The following ZNF423 variants were observed in gnomAD, a reference collection of about 807,000 sequenced individuals.
ZNF423 encodes zinc finger protein 423.
ZNF423 carries 12 observed loss-of-function variants against 95.8 expected under a neutral mutation model. The ratio of observed to expected loss-of-function variants is 0.13; its 90% confidence interval spans 0.08 to 0.20. ZNF423 has a LOEUF of 0.20. Among genes scored for constraint, ZNF423 ranks in the 10% least tolerant of loss-of-function variants. ZNF423 has a pLI of 1.00. For synonymous variants in ZNF423, 749 were observed against 711.9 expected, an observed-to-expected ratio of 1.05 and a Z score of -0.83; for missense variants, 1,316 against 1,737.1, an observed-to-expected ratio of 0.76 and a Z score of 4.31.
At chr16:49,817,139 C>A (rs928677665) in intron 1 of ZNF423, among the ~76,000 whole-genome samples, 2 of 152,190 alleles carry the variant, frequency 1.3e-5, no homozygotes, top group Admixed American at 6.5e-5. Flanking sequence ...CTTCCATGGA[C>A]AAAACTTTTG....
intron 3 of ZNF423, among the ~76,000 whole-genome samples, chr16:49,691,864 G>C (rs1200115675): frequency 6.6e-6 from 1 of 152,186 alleles, no homozygotes; most frequent in African/African-American, 2.4e-5. Context: ...TGAGCACTTG[G>C]CCTCCTCCTG....
intron 3 of ZNF423, among the ~76,000 whole-genome samples, chr16:49,705,148 CT>C (rs1371475469): frequency 1.3e-5 from 2 of 152,200 alleles, no homozygotes; most frequent in Non-Finnish European, 2.9e-5. Context: ...TAAATACAGG[CT>C]TATCTGGTAC....
At chr16:49,615,991 T>G (rs952951737) in intron 5 of ZNF423, among the ~76,000 whole-genome samples, 7 of 152,182 alleles carry the variant, frequency 4.6e-5, no homozygotes, top group Admixed American at 6.5e-5. Flanking sequence ...GGACCCGCCC[T>G]TCTCTTCTGT....
chr16:49,730,607 G>T, intron 3 of ZNF423, 164 bp downstream of exon 3: 1 of 725,818 alleles, frequency 1.4e-6, no homozygotes, highest in African/African-American at 1.8e-5. Context: ...ATTTTTAATT[G>T]TATTTAAAAG....
intron 2 of ZNF423, among the ~76,000 whole-genome samples, chr16:49,745,234 T>A (rs188771864): frequency 7.7e-4 from 117 of 152,320 alleles, no homozygotes; most frequent in Admixed American, 1.4e-3. Context: ...CTTTTATAAT[T>A]TTTTTAGGTT....
chr16:49,584,579 G>T (rs1400257159), intron 5 of ZNF423, among the ~76,000 whole-genome samples: 1 of 152,128 alleles, frequency 6.6e-6, no homozygotes, highest in Non-Finnish European at 1.5e-5. Flanking sequence ...CACAGTTCTG[G>T]AGGCTGGAAG....
intron 3 of ZNF423, among the ~76,000 whole-genome samples, chr16:49,692,399 C>T (rs1474681876): frequency 6.6e-6 from 1 of 152,096 alleles, no homozygotes; most frequent in Non-Finnish European, 1.5e-5. Context: ...AGAGGTCTGC[C>T]CCAGGAAACA....
At chr16:49,845,622 C>T (rs1288748787) in intron 1 of ZNF423, among the ~76,000 whole-genome samples, 4 of 152,034 alleles carry the variant, frequency 2.6e-5, no homozygotes, top group Non-Finnish European at 4.4e-5. Flanking sequence ...CTCACCACAG[C>T]CTCAACCTTC....
chr16:49,822,607 G>C lies in ZNF423; in HGVS notation c.41-33061C>G, dbSNP rs376501430. On this transcript the variant is annotated intron_variant, in intron 1 of 7. Coordinates refer to ENST00000563137, the MANE Select transcript of ZNF423 (RefSeq NM_001379286.1). ...GTCCAAGAGAACTAAGCTCTAGTTC[G>C]AGCTCCTTCTGTCTGCCTACTTCCC... is the stretch of plus-strand genomic sequence containing the variant. The C allele has an allele frequency of 3.6e-5, 50 of 1,383,602 alleles. No homozygotes were observed. In the South Asian group the frequency reaches 6.1e-4, roughly 17 times the overall value. The allele number at this position is 1,383,602 out of a possible 1,614,324, so 85.7% of individuals were successfully genotyped here. A position where few individuals can be genotyped will look rare whatever the true frequency, so the allele number is the denominator to read the frequency against.
intron 5 of ZNF423, among the ~76,000 whole-genome samples, chr16:49,591,845 A>G (rs951811533): frequency 6.6e-6 from 1 of 152,238 alleles, no homozygotes; most frequent in South Asian, 2.1e-4. Context: ...ACAGGAAAAA[A>G]AAACAGGCAC....
intron 1 of ZNF423, among the ~76,000 whole-genome samples, chr16:49,841,374 A>G (rs1446595920): frequency 1.3e-5 from 2 of 152,118 alleles, no homozygotes; most frequent in Non-Finnish European, 2.9e-5. Flanking sequence ...CTTTATGAAA[A>G]GGAACCTCAG....
chr16:49,709,168 T>TTATATATATATATATATATATATATATA lies in ZNF423; in HGVS notation c.301+21602_301+21603insTATATATATATATATATATATATATATA, dbSNP rs534895949. ...AAAAACTCAAACGTTCAGCAGCCGTTTATATATATATATATGAAAACGGAG... is the reference window on the plus strand; with the variant it reads ...AAAAACTCAAACGTTCAGCAGCCGTTTATATATATATATATATATATATATATATATATATATATATATGAAAACGGAG... On this transcript the variant is annotated intron_variant, in intron 3 of 7. Coordinates refer to ENST00000563137, the MANE Select transcript of ZNF423 (RefSeq NM_001379286.1). Among the ~76,000 whole-genome samples, 683 of 93,176 alleles carry TTATATATATATATATATATATATATATA rather than the reference T, an allele frequency of 7.3e-3. 14 individuals are homozygous for TTATATATATATATATATATATATATATA. The highest frequency in any genetic ancestry group is 0.021 in the East Asian group (65 of 3,114). The allele number at this position is 93,176 out of a possible 152,430, so 61.1% of individuals were successfully genotyped here. A position where few individuals can be genotyped will look rare whatever the true frequency, so the allele number is the denominator to read the frequency against.
intron 4 of ZNF423, among the ~76,000 whole-genome samples, chr16:49,629,523 T>C (rs2151871220): frequency 6.6e-6 from 1 of 152,324 alleles, no homozygotes; most frequent in South Asian, 2.1e-4. Flanking sequence ...TCAATTCAAA[T>C]GTCATCTCTT....
rs145160707 is a variant in ZNF423 at position 49,636,128 on chromosome 16, C to G, written c.3048G>C (p.Gln1016His). 1.2e-5 allele frequency: 19 copies of G among 1,613,894 alleles called. No individual in the cohort carries two copies. The highest frequency in any genetic ancestry group is 1.6e-5 in the Non-Finnish European group (19 of 1,180,028). Residue 1016 changes from glutamine to histidine, a missense_variant, in exon 4 of 8, where the codon CAG becomes CAC. Coordinates refer to ENST00000563137, the MANE Select transcript of ZNF423 (RefSeq NM_001379286.1). This position sits in a 1 kb window ranked among gnomAD's most constrained non-coding sequence, Gnocchi z 8.6. Reference sequence around the variant, plus strand: ...GTGAGTTGCGCAGGTCAGGGTGCATCTGGCAGTGCTCAATAAACTCCTCCT... The same window carrying G: ...GTGAGTTGCGCAGGTCAGGGTGCATGTGGCAGTGCTCAATAAACTCCTCCT... ...QSEEEFIEHC[Q>H]MHPDLRNSLT...
intron 5 of ZNF423, among the ~76,000 whole-genome samples, chr16:49,538,060 A>G (rs1025197791): frequency 1.3e-5 from 2 of 152,164 alleles, no homozygotes; most frequent in African/African-American, 2.4e-5. Context: ...GGCTGATCCC[A>G]TCCAGCAGCC....
chr16:49,834,904 G>C (rs2035100772), intron 1 of ZNF423, among the ~76,000 whole-genome samples: 1 of 151,908 alleles, frequency 6.6e-6, no homozygotes, highest in Non-Finnish European at 1.5e-5. Context: ...TGGGGGAGGG[G>C]CCAAGGAGCT....
chr16:49,580,748 A>G (rs1441159677), intron 5 of ZNF423, among the ~76,000 whole-genome samples: 1 of 152,202 alleles, frequency 6.6e-6, no homozygotes, highest in Non-Finnish European at 1.5e-5. Context: ...CAGAGATTCC[A>G]CATTCGAGGG....
intron 7 of ZNF423, among the ~76,000 whole-genome samples, chr16:49,497,776 A>C (rs1967221488): frequency 6.6e-6 from 1 of 152,196 alleles, no homozygotes; most frequent in Non-Finnish European, 1.5e-5. Flanking sequence ...TTCCCTTTCC[A>C]GGGGAAGAAG....
At chr16:49,524,040 T>C (rs922869202) in intron 6 of ZNF423, among the ~76,000 whole-genome samples, 2 of 152,094 alleles carry the variant, frequency 1.3e-5, no homozygotes, top group African/African-American at 4.8e-5. Flanking sequence ...GAGGATCAAA[T>C]GGGATATTGA....
Sources: gnomAD v4.1 joint callset for allele counts (sites outside exome capture counted in the v4.1 genomes callset) on GRCh38, gnomAD v4.1.1 for gene constraint, Gnocchi (gnomAD v3.1) non-coding constraint, MANE v1.5 for transcripts, NCBI Gene and HGNC (gene_info 2026-07-23, HGNC 2026-07-21) for gene names.